Variants in NAA11 observed in about 807,000 individuals in gnomAD.
NAA11 encodes N-alpha-acetyltransferase 11, NatA catalytic subunit, also known as N-alpha-acetyltransferase 11.
NAA11 carries 15 observed loss-of-function variants against 16.1 expected under a neutral mutation model. The observed-to-expected ratio is 0.93, with a 90% CI of 0.62 to 1.44. The LOEUF is 1.44. Among genes scored for constraint, NAA11 ranks in the 40% most tolerant of loss-of-function variants. The probability of loss-of-function intolerance (pLI) is 0.00; values close to 1 mark genes in which losing one functional copy is unlikely to be tolerated. For synonymous variants in NAA11, 122 were observed against 112.4 expected, an observed-to-expected ratio of 1.09 and a Z score of -0.54; for missense variants, 298 against 291.3, an observed-to-expected ratio of 1.02 and a Z score of -0.17.
chr4:79,303,634 A>G (rs1211605481), intron 1 of NAA11, among the ~76,000 whole-genome samples: 1 of 152,178 alleles, frequency 6.6e-6, no homozygotes, highest in Non-Finnish European at 1.5e-5. Flanking sequence ...CATTTGGGCA[A>G]CCTTCTAGAA....
intron 2 of NAA11, among the ~76,000 whole-genome samples, chr4:79,283,254 T>C (rs917654016): frequency 1.3e-5 from 2 of 151,956 alleles, no homozygotes; most frequent in African/African-American, 4.8e-5. Context: ...GGGATAGTAG[T>C]GAATAAAATG....
chr4:79,164,196 C>T, the NAA11 span, among the ~76,000 whole-genome samples: 1 of 152,270 alleles, frequency 6.6e-6, no homozygotes, highest in Non-Finnish European at 1.5e-5. Context: ...AGTCTGCCCA[C>T]TGCAGTCACT....
At chr4:79,277,476 G>A (rs991426367) in intron 2 of NAA11, among the ~76,000 whole-genome samples, 1 of 152,092 alleles carries the variant, frequency 6.6e-6, no homozygotes, top group Non-Finnish European at 1.5e-5. Flanking sequence ...AAATACAAGA[G>A]GAGGGGTTGT....
the NAA11 span, among the ~76,000 whole-genome samples, chr4:79,201,560 A>G: frequency 6.6e-6 from 1 of 151,542 alleles, no homozygotes; most frequent in East Asian, 1.9e-4. Flanking sequence ...TTTTTATATT[A>G]ATGGTAAAAA....
At chr4:79,165,565 A>G in the NAA11 span, among the ~76,000 whole-genome samples, 1 of 152,240 alleles carries the variant, frequency 6.6e-6, no homozygotes, top group African/African-American at 2.4e-5. Context: ...ACCATGAAAT[A>G]TATGTAGAAT....
chr4:79,293,347 T>C (rs767783030), intron 2 of NAA11, among the ~76,000 whole-genome samples: 1 of 152,180 alleles, frequency 6.6e-6, no homozygotes, highest in Non-Finnish European at 1.5e-5. Context: ...AAATTGTATG[T>C]GAAGCAAAAA....
downstream of NAA11, among the ~76,000 whole-genome samples, chr4:79,222,510 C>T (rs1188805872): frequency 2.0e-5 from 3 of 150,494 alleles, no homozygotes; most frequent in Admixed American, 6.7e-5. Flanking sequence ...GGATTAAAGA[C>T]TTAAACGTTA....
chr4:79,312,069 T>A (rs1397987945), downstream of NAA11, among the ~76,000 whole-genome samples: 1 of 152,194 alleles, frequency 6.6e-6, no homozygotes, highest in African/African-American at 2.4e-5. Flanking sequence ...CTGGGAATCT[T>A]ACTAAGCGAC....
intron 2 of NAA11, among the ~76,000 whole-genome samples, chr4:79,259,360 G>T (rs1722198335): frequency 6.6e-6 from 1 of 152,156 alleles, no homozygotes; most frequent in Non-Finnish European, 1.5e-5. Flanking sequence ...AGCTGCTTGT[G>T]GTGTACCTGG....
intron 1 of NAA11, among the ~76,000 whole-genome samples, chr4:79,323,338 C>A (rs1341392344): frequency 6.6e-6 from 1 of 152,138 alleles, no homozygotes; most frequent in East Asian, 1.9e-4. Context: ...TCTAACATAC[C>A]AATCCTTTAA....
At chr4:79,203,325 T>A in the NAA11 span, among the ~76,000 whole-genome samples, 1 of 151,808 alleles carries the variant, frequency 6.6e-6, no homozygotes. Context: ...TGCACCTGCA[T>A]GCACACATGC....
the NAA11 span, among the ~76,000 whole-genome samples, chr4:79,204,543 C>T: frequency 6.7e-6 from 1 of 150,270 alleles, no homozygotes; most frequent in African/African-American, 2.4e-5. Flanking sequence ...CCTTCCCTTC[C>T]TCCCTCCGTC....
chr4:79,195,941 A>G, the NAA11 span: 1 of 152,630 alleles, frequency 6.6e-6, no homozygotes, highest in African/African-American at 2.4e-5. Context: ...CTGTGAGTCA[A>G]TTAAACCTCT....
chr4:79,292,077 T>C (rs1488472346), intron 2 of NAA11, among the ~76,000 whole-genome samples: 8 of 152,204 alleles, frequency 5.3e-5, no homozygotes, highest in Admixed American at 5.2e-4. Context: ...CATCTAAATG[T>C]GTGTGCCGCT....
chr4:79,175,791 CTCTTA>C, the NAA11 span, among the ~76,000 whole-genome samples: 1 of 149,214 alleles, frequency 6.7e-6, no homozygotes, highest in South Asian at 2.1e-4. Context: ...TTATTCTTCT[CTCTTA>C]TAAGTTTTGT....
the NAA11 span, among the ~76,000 whole-genome samples, chr4:79,191,091 A>C: frequency 6.6e-6 from 1 of 152,098 alleles, no homozygotes; most frequent in Non-Finnish European, 1.5e-5. Context: ...ATTTAAGTTG[A>C]TTCCATGTCT....
the NAA11 span, among the ~76,000 whole-genome samples, chr4:79,219,060 G>A: frequency 6.6e-5 from 10 of 151,798 alleles, no homozygotes; most frequent in Non-Finnish European, 1.5e-4. Flanking sequence ...ATTTATAAAT[G>A]GGTTATGCCC....
intron 1 of NAA11, among the ~76,000 whole-genome samples, chr4:79,304,276 C>G (rs1373917945): frequency 6.6e-6 from 1 of 152,086 alleles, no homozygotes; most frequent in African/African-American, 2.4e-5. Context: ...AAACTGTATT[C>G]ATCACAAAAT....
the NAA11 span, chr4:79,195,773 A>G: frequency 6.6e-6 from 1 of 152,038 alleles, no homozygotes; most frequent in Admixed American, 6.6e-5. Flanking sequence ...TGTTCTCGTG[A>G]TGGTGAGTGA....
Sources: gnomAD v4.1 joint callset for allele counts (sites outside exome capture counted in the v4.1 genomes callset) on GRCh38, gnomAD v4.1.1 for gene constraint, MANE v1.5 for transcripts, NCBI Gene and HGNC (gene_info 2026-07-23, HGNC 2026-07-21) for gene names.